TASP1: variants seen among roughly 807,000 people sequenced by gnomAD.
The protein encoded by TASP1 is taspase 1.
In TASP1, 16 loss-of-function variants were observed where a neutral mutation model predicts 56.6. That is an observed-to-expected ratio of 0.28 (90% confidence interval 0.19 to 0.43). The LOEUF (loss-of-function observed/expected upper bound fraction) is 0.43. Ranked by LOEUF, TASP1 falls within the 20% of genes least tolerant of loss-of-function variation. TASP1 has a pLI of 1.00. For missense variants in TASP1, 393 were observed against 511.6 expected, an observed-to-expected ratio of 0.77 and a Z score of 2.24; for synonymous variants, 179 against 184.2, an observed-to-expected ratio of 0.97 and a Z score of 0.23.
At chr20:13,560,382 A>G (rs769072577) in intron 7 of TASP1, among the ~76,000 whole-genome samples, 21 of 152,196 alleles carry the variant, frequency 1.4e-4, no homozygotes, top group Non-Finnish European at 2.2e-4. Flanking sequence ...CAACACTAGC[A>G]CACTTGCATT....
the TASP1 span, among the ~76,000 whole-genome samples, chr20:13,188,925 C>G: frequency 6.6e-6 from 1 of 152,204 alleles, no homozygotes; most frequent in Non-Finnish European, 1.5e-5. Flanking sequence ...AGCGACCATT[C>G]TTCAACCACT....
chr20:13,200,793 C>A, the TASP1 span, among the ~76,000 whole-genome samples: 3 of 152,242 alleles, frequency 2.0e-5, no homozygotes, highest in Non-Finnish European at 4.4e-5. Context: ...AGCTTCCTGC[C>A]TTCCCAGTGA....
the TASP1 span, among the ~76,000 whole-genome samples, chr20:13,296,934 C>T: frequency 6.6e-6 from 1 of 152,118 alleles, no homozygotes; most frequent in East Asian, 1.9e-4. Context: ...AGGAGAATTG[C>T]TTGAACCCGG....
chr20:13,393,086 G>C (rs1252458454), intron 13 of TASP1: 1 of 616,270 alleles, frequency 1.6e-6, no homozygotes, highest in Non-Finnish European at 3.0e-6. Flanking sequence ...TGAACCATGA[G>C]AAGTATGACA....
chr20:13,588,298 GAA>G (rs2047389737), intron 4 of TASP1, among the ~76,000 whole-genome samples: 3 of 129,998 alleles, frequency 2.3e-5, no homozygotes, highest in African/African-American at 8.9e-5. Flanking sequence ...AGGAAGGAAG[GAA>G]GGAAGGAAGA....
At chr20:13,346,082 T>C in the TASP1 span, among the ~76,000 whole-genome samples, 1 of 152,132 alleles carries the variant, frequency 6.6e-6, no homozygotes, top group African/African-American at 2.4e-5. Context: ...TTCTGCTTCA[T>C]GACTTACACA....
At chr20:13,323,337 C>T in the TASP1 span, among the ~76,000 whole-genome samples, 7 of 152,020 alleles carry the variant, frequency 4.6e-5, no homozygotes, top group South Asian at 2.1e-4. Flanking sequence ...ATGACTCAGG[C>T]GGAGCAAGGC....
the TASP1 span, among the ~76,000 whole-genome samples, chr20:13,346,201 TACCA>T: frequency 6.6e-6 from 1 of 152,188 alleles, no homozygotes; most frequent in Non-Finnish European, 1.5e-5. Context: ...ATTTAACTGG[TACCA>T]GTGTTCAAAA....
chr20:13,235,602 G>A, the TASP1 span, among the ~76,000 whole-genome samples: 2 of 152,304 alleles, frequency 1.3e-5, no homozygotes, highest in Middle Eastern at 3.4e-3. Context: ...GCTCTCACAT[G>A]TCATCCTATG....
chr20:13,618,926 G>A (rs1355948687), intron 4 of TASP1, among the ~76,000 whole-genome samples: 3 of 151,628 alleles, frequency 2.0e-5, no homozygotes, highest in Non-Finnish European at 4.4e-5. Context: ...GGAGTGCAGT[G>A]GCACAGTCTC....
intron 10 of TASP1, among the ~76,000 whole-genome samples, chr20:13,492,377 T>C (rs895818625): frequency 3.3e-5 from 5 of 152,224 alleles, no homozygotes; most frequent in African/African-American, 1.2e-4. Flanking sequence ...CATCTCTTTT[T>C]CAACAAAGGA....
chr20:13,239,955 G>T, the TASP1 span, among the ~76,000 whole-genome samples: 1 of 152,198 alleles, frequency 6.6e-6, no homozygotes, highest in African/African-American at 2.4e-5. Context: ...TAGAGTAAGT[G>T]TACATCTAAA....
chr20:13,458,359 T>G (rs2043925360), intron 11 of TASP1, among the ~76,000 whole-genome samples: 1 of 152,182 alleles, frequency 6.6e-6, no homozygotes, highest in Admixed American at 6.5e-5. Context: ...GTTTGTTTGT[T>G]TGTTTTAGAT....
At chr20:13,586,989 TATTTCAAATTGTAAA>T (rs921215074) in intron 5 of TASP1, among the ~76,000 whole-genome samples, 9 of 152,278 alleles carry the variant, frequency 5.9e-5, no homozygotes, top group African/African-American at 2.2e-4. Flanking sequence ...ATATAGTGTG[TATTTCAAATTGTAAA>T]ATTAATATTC....
At chr20:13,435,315 C>T (rs1183397796) in intron 11 of TASP1, among the ~76,000 whole-genome samples, 161 bp from the exon 12 acceptor site, 1 of 152,122 alleles carries the variant, frequency 6.6e-6, no homozygotes, top group East Asian at 1.9e-4. Flanking sequence ...ATGGCAAAGG[C>T]AGGTTTATGC....
chr20:13,163,592 A>G, the TASP1 span, among the ~76,000 whole-genome samples: 1 of 152,100 alleles, frequency 6.6e-6, no homozygotes, highest in East Asian at 1.9e-4. Context: ...GATGTAGGAA[A>G]TTTAGAAAAA....
chr20:13,159,895 AAAAAG>A, the TASP1 span: 1 of 1,399,092 alleles, frequency 7.1e-7, no homozygotes, highest in Non-Finnish European at 9.5e-7. Context: ...ATAAAAAAGA[AAAAAG>A]AAAAAAGAAA....
At chr20:13,180,368 G>A in the TASP1 span, among the ~76,000 whole-genome samples, 3 of 152,156 alleles carry the variant, frequency 2.0e-5, no homozygotes, top group East Asian at 3.9e-4. Flanking sequence ...ACACAGTTGC[G>A]GCACAAAAGC....
At chr20:13,363,266 G>A in the TASP1 span, among the ~76,000 whole-genome samples, 2 of 152,050 alleles carry the variant, frequency 1.3e-5, no homozygotes, top group African/African-American at 4.8e-5. Flanking sequence ...AAGAGAGGCT[G>A]GAAATGGACT....
Sources: allele counts gnomAD v4.1 joint callset (sites outside exome capture counted in the v4.1 genomes callset), GRCh38; gene constraint gnomAD v4.1.1; transcripts MANE v1.5; gene names NCBI Gene and HGNC (gene_info 2026-07-23, HGNC 2026-07-21).